CTIF: variants seen among roughly 807,000 people sequenced by gnomAD.
CTIF encodes the protein cap binding complex dependent translation initiation factor.
In CTIF, 21 loss-of-function variants were observed where a neutral mutation model predicts 66.0. The observed-to-expected ratio is 0.32, with a 90% confidence interval of 0.23 to 0.46. CTIF has a LOEUF of 0.46. CTIF is among the 20% of genes least tolerant of loss of function. CTIF has a pLI of 1.00. For missense variants in CTIF, 739 were observed against 812.7 expected, an observed-to-expected ratio of 0.91 and a Z score of 1.10; for synonymous variants, 345 against 326.4, an observed-to-expected ratio of 1.06 and a Z score of -0.62.
At chr18:48,815,298 G>A (rs534430493) in intron 9 of CTIF, among the ~76,000 whole-genome samples, 119 of 152,306 alleles carry the variant, frequency 7.8e-4, no homozygotes, top group Non-Finnish European at 1.4e-3. Flanking sequence ...GCAGGCTGAC[G>A]TCAGTTTGAA....
intron 1 of CTIF, among the ~76,000 whole-genome samples, chr18:48,603,402 AATGAG>A (rs1298204079): frequency 4.3e-4 from 26 of 60,644 alleles, no homozygotes; most frequent in African/African-American, 1.3e-3. Flanking sequence ...TGGATATGTG[AATGAG>A]TGGATTGATG....
In CTIF at chr18:48,660,947, C is replaced by T. The variant is rs375845686; in HGVS notation, c.253-2805C>T. On this transcript the variant is annotated intron_variant, in intron 3 of 11. Transcript: ENST00000256413. ...TGTTTCTTACTCTCTAAGGGCCTTA[C>T]GGGCCTCGGATCCTAGGACGGTAAA... Among the ~76,000 whole-genome samples the T allele has an allele frequency of 1.4e-4, 22 of 152,330 alleles. No homozygotes were observed. In the South Asian group the frequency reaches 3.5e-3, roughly 24 times the overall value.
At chr18:48,628,182 TG>T (rs1016508266) in intron 2 of CTIF, among the ~76,000 whole-genome samples, 2 of 152,120 alleles carry the variant, frequency 1.3e-5, no homozygotes, top group African/African-American at 4.8e-5. Flanking sequence ...AGAGCAGCTC[TG>T]GGGGGCAAAG....
chr18:48,767,275 A>C (rs576980668), intron 9 of CTIF, among the ~76,000 whole-genome samples: 1 of 152,302 alleles, frequency 6.6e-6, no homozygotes, highest in East Asian at 1.9e-4. Context: ...CTCCAGTTTC[A>C]CAGAGAAGTG....
chr18:48,702,127 G>A (rs561085623), intron 6 of CTIF, among the ~76,000 whole-genome samples: 3 of 152,314 alleles, frequency 2.0e-5, no homozygotes, highest in South Asian at 4.1e-4. Context: ...CAGGCTTAGC[G>A]ACAGCTAGGA....
At chr18:48,541,143 G>C (rs542678004) in intron 1 of CTIF, among the ~76,000 whole-genome samples, 32 of 152,148 alleles carry the variant, frequency 2.1e-4, no homozygotes, top group Non-Finnish European at 4.6e-4. Context: ...TTCGCAGACC[G>C]GGGAGAGAGT....
chr18:48,741,461 C>T (rs112256807), intron 7 of CTIF, among the ~76,000 whole-genome samples: 2,355 of 128,082 alleles, frequency 0.018, 49 homozygotes, highest in African/African-American at 0.056. Flanking sequence ...CTTGTTCTGT[C>T]ATCCAGGCTT....
intron 5 of CTIF, among the ~76,000 whole-genome samples, chr18:48,665,007 C>T (rs552876326): frequency 6.7e-6 from 1 of 150,330 alleles, no homozygotes; most frequent in East Asian, 2.0e-4. Context: ...CTCCGCTTCC[C>T]GGGTTCACGC....
At chr18:48,755,424 T>C (rs550964358) in intron 7 of CTIF, among the ~76,000 whole-genome samples, 1 of 152,220 alleles carries the variant, frequency 6.6e-6, no homozygotes, top group East Asian at 1.9e-4. Flanking sequence ...ACTCAGGCAT[T>C]TGGGGCTGGG....
At chr18:48,697,371 G>T (rs2092022336) in intron 6 of CTIF, among the ~76,000 whole-genome samples, 1 of 152,240 alleles carries the variant, frequency 6.6e-6, no homozygotes, top group Non-Finnish European at 1.5e-5. Context: ...TAGGAAGTTT[G>T]TCCAGTGTGC....
At chr18:48,658,319 ATG>A (rs1274938278) in intron 3 of CTIF, among the ~76,000 whole-genome samples, 1 of 151,674 alleles carries the variant, frequency 6.6e-6, no homozygotes, top group African/African-American at 2.4e-5. Context: ...ATGTGCCTGT[ATG>A]TGTGGTGTAT....
rs1021627847 is a variant in CTIF at position 48,619,489 on chromosome 18, G to A, written c.-28-49G>A. The A allele has an allele frequency of 4.1e-5, 51 of 1,239,250 alleles. No homozygotes were observed. In the Middle Eastern group the frequency reaches 7.3e-4, roughly 18 times the overall value. The allele number at this position is 1,239,250 out of a possible 1,614,324, so 76.8% of individuals were successfully genotyped here. On this transcript the variant is annotated intron_variant, in intron 1 of 11. Transcript: ENST00000256413. The stretch of plus-strand genomic sequence containing the variant: ...GTGTTTCTCAGGTGTGGGCATCGTC[G>A]TCTCCTCCAGCAGCGTCTCACGGAG...
intron 10 of CTIF, among the ~76,000 whole-genome samples, chr18:48,840,315 C>T (rs1348315066): frequency 6.6e-6 from 1 of 152,180 alleles, no homozygotes; most frequent in Non-Finnish European, 1.5e-5. Flanking sequence ...GCAGAAGTGG[C>T]CCAGCGAGCC....
intron 9 of CTIF, among the ~76,000 whole-genome samples, chr18:48,763,387 C>T (rs919701787): frequency 1.3e-5 from 2 of 152,202 alleles, no homozygotes; most frequent in African/African-American, 2.4e-5. Flanking sequence ...AAGTGTCCAG[C>T]GGACCATCAA....
At chr18:48,701,302 G>A (rs894080845) in intron 6 of CTIF, among the ~76,000 whole-genome samples, 2 of 152,116 alleles carry the variant, frequency 1.3e-5, no homozygotes. Context: ...TCAGAAGTGT[G>A]TCCAGGACCC....
intron 7 of CTIF, among the ~76,000 whole-genome samples, chr18:48,730,043 G>C (rs114501504): frequency 0.013 from 1,960 of 152,322 alleles, 46 homozygotes; most frequent in African/African-American, 0.045. Context: ...CCACAGCTGT[G>C]CTGCCCAGCG....
intron 1 of CTIF, among the ~76,000 whole-genome samples, chr18:48,613,135 C>A (rs2090337752): frequency 6.6e-6 from 1 of 152,140 alleles, no homozygotes; most frequent in Admixed American, 6.5e-5. Context: ...TAATGCCTCG[C>A]AGTTCTTAAA....
chr18:48,592,759 C>T (rs2089913342), intron 1 of CTIF, among the ~76,000 whole-genome samples: 1 of 152,202 alleles, frequency 6.6e-6, no homozygotes, highest in South Asian at 2.1e-4. Context: ...TAGCGATTAG[C>T]AGGGAGTGGC....
At chr18:48,754,256 G>A (rs1460701400) in intron 7 of CTIF, among the ~76,000 whole-genome samples, 1 of 152,208 alleles carries the variant, frequency 6.6e-6, no homozygotes, top group African/African-American at 2.4e-5. Flanking sequence ...TGTGTCTAAA[G>A]GCGAATGGGA....
Sources: gnomAD v4.1 joint callset for allele counts (sites outside exome capture counted in the v4.1 genomes callset) on GRCh38, gnomAD v4.1.1 for gene constraint, MANE v1.5 for transcripts, NCBI Gene and HGNC (gene_info 2026-07-23, HGNC 2026-07-21) for gene names.